LAMP2: variants seen among roughly 807,000 people sequenced by gnomAD.
LAMP2 encodes the protein lysosome-associated membrane glycoprotein 2.
Under a neutral mutation model 25.6 loss-of-function variants are expected in LAMP2, and 4 were observed. The observed-to-expected ratio is 0.16, with a 90% CI of 0.08 to 0.36. LAMP2 has a LOEUF of 0.36. Ranked by LOEUF, LAMP2 falls within the 10% of genes least tolerant of loss-of-function variation. The pLI, the probability that LAMP2 is intolerant of heterozygous loss-of-function variation, is 1.00. For synonymous variants in LAMP2, 108 were observed against 112.7 expected, an observed-to-expected ratio of 0.96 and a Z score of 0.27; for missense variants, 272 against 301.4, an observed-to-expected ratio of 0.90 and a Z score of 0.72.
chrX:120,466,966 C>T (rs983572266), intron 1 of LAMP2, among the ~76,000 whole-genome samples: 1 of 110,157 alleles, frequency 9.1e-6, no homozygotes, highest in Non-Finnish European at 1.9e-5. Flanking sequence ...CCTCGGCCTC[C>T]CAAGTAGCTG....
intron 1 of LAMP2, among the ~76,000 whole-genome samples, chrX:120,458,809 CT>C (rs1370887087): frequency 9.0e-6 from 1 of 111,300 alleles, no homozygotes; most frequent in Non-Finnish European, 1.9e-5. Context: ...GATTTTTTTC[CT>C]TCAAATCTTC....
In LAMP2 at chrX:120,428,539, A is replaced by G. The variant is rs1569364791; in HGVS notation, c.*2784T>C. Reference sequence around the variant, plus strand: ...CCTTCTTCCAATCATATAAGAGATAAAGACAACAATTATAAGGAAGCCCAA... The same window carrying G: ...CCTTCTTCCAATCATATAAGAGATAGAGACAACAATTATAAGGAAGCCCAA... On this transcript the variant is annotated 3_prime_UTR_variant, in exon 9 of 9. Coordinates refer to ENST00000200639, the MANE Select transcript of LAMP2 (RefSeq NM_002294.3). The G allele has an allele frequency of 8.3e-7, 1 of 1,203,348 alleles. No homozygotes were observed. Among genetic ancestry groups the G allele is most frequent in the Non-Finnish European group, 1.1e-6 (1 of 891,873 alleles).
At chrX:120,468,323 G>A (rs1194607849) in intron 1 of LAMP2, among the ~76,000 whole-genome samples, 1 of 110,537 alleles carries the variant, frequency 9.0e-6, no homozygotes, top group African/African-American at 3.3e-5. Context: ...GCAAAACTGG[G>A]AGAAAATCGA....
Position 120,430,348 on chromosome X carries a change from T to C in LAMP2, c.*975A>G, listed in dbSNP as rs1179268991. ...CCATCTTGAAGAAACAAGAGCCTAG[T>C]TGCTATGCTTCACTGCCTCCCTTCT... is the stretch of plus-strand genomic sequence containing the variant. On this transcript the variant is annotated 3_prime_UTR_variant, in exon 9 of 9. Transcript: ENST00000200639. 2.5e-5 allele frequency: 19 copies of C among 753,549 alleles called. No homozygotes were observed. In the Admixed American group the frequency reaches 8.7e-4, roughly 34 times the overall value. The allele number at this position is 753,549 out of a possible 1,213,427, so 62.1% of individuals were successfully genotyped here.
chrX:120,466,513 A>C (rs770711591), intron 1 of LAMP2, among the ~76,000 whole-genome samples: 1 of 111,531 alleles, frequency 9.0e-6, no homozygotes, highest in East Asian at 2.8e-4. Context: ...GCTTCCAATT[A>C]AGTATTCAAG....
At chrX:120,450,730 A>G (rs1343193061) in intron 3 of LAMP2, among the ~76,000 whole-genome samples, 1 of 111,150 alleles carries the variant, frequency 9.0e-6, no homozygotes, top group Non-Finnish European at 1.9e-5. Flanking sequence ...CTGTATTGTC[A>G]ACGTTTTATC....
At chrX:120,436,352 T>C (rs958179909) in intron 8 of LAMP2, 6 of 234,834 alleles carry the variant, frequency 2.6e-5, no homozygotes, top group Non-Finnish European at 3.0e-5. Context: ...CAGATGGTAA[T>C]ATACAGACAG....
intron 1 of LAMP2, among the ~76,000 whole-genome samples, chrX:120,464,139 C>G (rs1034332647): frequency 1.8e-5 from 2 of 111,159 alleles, no homozygotes; most frequent in Non-Finnish European, 3.8e-5. Flanking sequence ...CATATTACCC[C>G]CTTCGAGACT....
chrX:120,465,615 T>C (rs938113056), intron 1 of LAMP2, among the ~76,000 whole-genome samples: 15 of 111,802 alleles, frequency 1.3e-4, no homozygotes, highest in African/African-American at 4.9e-4. Flanking sequence ...AAAGCTGCTG[T>C]TTTTAAAAGG....
At chrX:120,467,208 TCGA>T (rs1921579305) in intron 1 of LAMP2, among the ~76,000 whole-genome samples, 1 of 110,162 alleles carries the variant, frequency 9.1e-6, no homozygotes, top group African/African-American at 3.3e-5. Context: ...GAAAAGGTCC[TCGA>T]GAGTCACTGA....
At chrX:120,452,325 A>C (rs1239307940) in intron 3 of LAMP2, among the ~76,000 whole-genome samples, 1 of 110,336 alleles carries the variant, frequency 9.1e-6, no homozygotes, top group East Asian at 2.8e-4. Context: ...GCAGCTCTCC[A>C]ATTACTGCCG....
Position 120,430,615 on chromosome X carries a change from A to C in LAMP2, c.*708T>G. The C allele has an allele frequency of 1.3e-6, 1 of 753,643 alleles. No homozygotes were observed. The highest frequency in any genetic ancestry group is 1.6e-6 in the Non-Finnish European group (1 of 638,435). 62.1% of individuals were successfully genotyped at this position (753,643 alleles called of 1,213,427 possible). On this transcript the variant is annotated 3_prime_UTR_variant, in exon 9 of 9. Coordinates refer to ENST00000200639, the MANE Select transcript of LAMP2 (RefSeq NM_002294.3). ...TTCAGTCTATATTGCTGAAAAACAA[A>C]CAATTATCTTAAAAACTCTAATTAC...
At chrX:120,453,513 C>T (rs2058630858) in intron 3 of LAMP2, among the ~76,000 whole-genome samples, 1 of 111,988 alleles carries the variant, frequency 8.9e-6, no homozygotes. Context: ...ATATCCCTAA[C>T]AAAATTAAAA....
rs759156736 is a variant in LAMP2, at chrX:120,429,547, GT to G, written c.*1775del. On this transcript the variant is annotated 3_prime_UTR_variant, in exon 9 of 9. Transcript: ENST00000200639. ...CATGATCCCATCTGAGGAGGATTAG[GT>G]TTTGAAGTAGCAAACAGAGATTAAA... The G allele has an allele frequency of 3.5e-4, 261 of 748,180 alleles. No homozygotes were observed. In the African/African-American group the frequency reaches 5.8e-3, roughly 17 times the overall value. 61.7% of individuals were successfully genotyped at this position (748,180 alleles called of 1,213,427 possible). A position where few individuals can be genotyped will look rare whatever the true frequency, so the allele number is the denominator to read the frequency against.
chrX:120,436,858 T>C (rs2058547103), intron 8 of LAMP2: 1 of 738,040 alleles, frequency 1.4e-6, no homozygotes, highest in African/African-American at 2.3e-5. Flanking sequence ...TAGAGGTATT[T>C]TACTATGAAT....
chrX:120,460,535 T>C (rs945473971), intron 1 of LAMP2, among the ~76,000 whole-genome samples: 2 of 112,454 alleles, frequency 1.8e-5, no homozygotes, highest in African/African-American at 6.5e-5. Flanking sequence ...TTGATATAAA[T>C]AAAATCATTC....
At chrX:120,454,010 C>T (rs1187881485) in intron 3 of LAMP2, among the ~76,000 whole-genome samples, 9 of 111,123 alleles carry the variant, frequency 8.1e-5, no homozygotes, top group Non-Finnish European at 1.7e-4. Context: ...GTTTCAGTTA[C>T]CCATGGTCAA....
At chrX:120,450,656 T>C (rs1319100595) in intron 3 of LAMP2, among the ~76,000 whole-genome samples, 1 of 111,240 alleles carries the variant, frequency 9.0e-6, no homozygotes, top group Non-Finnish European at 1.9e-5. Context: ...TTTGTGAAAG[T>C]GTTTGCCTCT....
At chrX:120,445,384 T>C (rs887734601) in intron 6 of LAMP2, among the ~76,000 whole-genome samples, 1 of 112,720 alleles carries the variant, frequency 8.9e-6, no homozygotes, top group Non-Finnish European at 1.9e-5. Context: ...AAAATGTGCT[T>C]TAGACTCAAA....
Sources: gnomAD v4.1 joint callset for allele counts (sites outside exome capture counted in the v4.1 genomes callset) on GRCh38, gnomAD v4.1.1 for gene constraint, MANE v1.5 for transcripts, NCBI Gene and HGNC (gene_info 2026-07-23, HGNC 2026-07-21) for gene names.